Variants in MIPEP observed in about 807,000 individuals in gnomAD.
MIPEP encodes the protein mitochondrial intermediate peptidase.
MIPEP carries 79 observed loss-of-function variants against 90.3 expected under a neutral mutation model. That is an observed-to-expected ratio of 0.87 (90% confidence interval 0.73 to 1.05). MIPEP has a LOEUF of 1.05. Ranked by LOEUF, MIPEP falls within the 50% of genes least tolerant of loss-of-function variation. The probability of loss-of-function intolerance (pLI) is 0.00; values close to 1 mark genes in which losing one functional copy is unlikely to be tolerated. For synonymous variants in MIPEP, 334 were observed against 315.8 expected (o/e 1.06, Z -0.61); for missense variants, 940 against 905.6 (o/e 1.04, Z -0.49).
At chr13:23,737,394 A>C (rs1297499495) in intron 18 of MIPEP, among the ~76,000 whole-genome samples, 1 of 152,066 alleles carries the variant, frequency 6.6e-6, no homozygotes, top group South Asian at 2.1e-4. Flanking sequence ...GGGAGGAAAA[A>C]GTGCCCAAGA....
chr13:23,821,996 G>T (rs980115838), intron 14 of MIPEP, among the ~76,000 whole-genome samples: 1 of 152,156 alleles, frequency 6.6e-6, no homozygotes, highest in African/African-American at 2.4e-5. Flanking sequence ...CACAAAAGAG[G>T]TGCAGATAAA....
chr13:23,795,395 T>A (rs1006023912), intron 16 of MIPEP, among the ~76,000 whole-genome samples: 1 of 152,106 alleles, frequency 6.6e-6, no homozygotes, highest in African/African-American at 2.4e-5. Flanking sequence ...TCTGAACAAG[T>A]GTGGGATAAA....
chr13:23,854,785 G>A (rs956821645), intron 10 of MIPEP, among the ~76,000 whole-genome samples: 3 of 151,940 alleles, frequency 2.0e-5, no homozygotes, highest in Non-Finnish European at 4.4e-5. Context: ...CCTGCTACTC[G>A]GGAGGCTGAG....
chr13:23,772,141 G>A (rs1414859350), intron 16 of MIPEP, among the ~76,000 whole-genome samples: 2 of 152,082 alleles, frequency 1.3e-5, no homozygotes, highest in Non-Finnish European at 2.9e-5. Flanking sequence ...TCATTTGCAG[G>A]TCATGTTACC....
At chr13:23,758,644 T>C (rs2138514162) in intron 17 of MIPEP, among the ~76,000 whole-genome samples, 1 of 152,328 alleles carries the variant, frequency 6.6e-6, no homozygotes, top group Admixed American at 6.5e-5. Flanking sequence ...GCAGACCAAA[T>C]GTCTACAGTC....
intron 16 of MIPEP, among the ~76,000 whole-genome samples, chr13:23,799,000 G>GTT (rs765292524): frequency 0.04 from 3,575 of 88,988 alleles, 45 homozygotes; most frequent in East Asian, 0.077. Flanking sequence ...AATTTTTTTG[G>GTT]TTTTTTTTTT....
intron 16 of MIPEP, among the ~76,000 whole-genome samples, chr13:23,787,435 G>C (rs200256689): frequency 6.6e-6 from 1 of 151,950 alleles, no homozygotes; most frequent in Non-Finnish European, 1.5e-5. Flanking sequence ...AGAAGACAGA[G>C]AGAGAGAGAG....
chr13:23,804,934 C>T (rs953732078), intron 16 of MIPEP, among the ~76,000 whole-genome samples: 59 of 152,144 alleles, frequency 3.9e-4, no homozygotes, highest in Non-Finnish European at 5.7e-4. Flanking sequence ...CTGAACCTAC[C>T]GGTAGTTATC....
At chr13:23,845,556 G>GT (rs1438349128) in intron 10 of MIPEP, among the ~76,000 whole-genome samples, 1 of 152,162 alleles carries the variant, frequency 6.6e-6, no homozygotes, top group African/African-American at 2.4e-5. Flanking sequence ...GCTGCTGTTA[G>GT]TTTATCTGTT....
chr13:23,851,908 T>C (rs1315740078), intron 10 of MIPEP, among the ~76,000 whole-genome samples: 1 of 152,144 alleles, frequency 6.6e-6, no homozygotes, highest in Non-Finnish European at 1.5e-5. Flanking sequence ...ACATCACCTA[T>C]GGGTGTCCAT....
At chr13:23,864,752 AG>A (rs35130629) in intron 7 of MIPEP, among the ~76,000 whole-genome samples, 43,093 of 132,090 alleles carry the variant, frequency 0.33, 6,721 homozygotes, top group East Asian at 0.43. Context: ...AAAAAAAAAA[AG>A]AGTTAATGGG....
At chr13:23,857,935 C>T (rs147464700) in intron 10 of MIPEP, among the ~76,000 whole-genome samples, 1 of 152,090 alleles carries the variant, frequency 6.6e-6, no homozygotes, top group Non-Finnish European at 1.5e-5. Context: ...AAGCTTAATA[C>T]CAAATAAATA....
At chr13:23,845,479 C>T (rs1181888459) in intron 10 of MIPEP, among the ~76,000 whole-genome samples, 5 of 152,270 alleles carry the variant, frequency 3.3e-5, no homozygotes, top group African/African-American at 7.2e-5. Flanking sequence ...AAATGCATCC[C>T]GTTAGGCCAC....
At chr13:23,888,650 A>T in intron 1 of MIPEP, 1 of 921,172 alleles carries the variant, frequency 1.1e-6, no homozygotes, top group African/African-American at 1.8e-5. Context: ...TTAATAGATG[A>T]TGGAATTTCA....
chr13:23,834,206 C>A (rs759633514), intron 14 of MIPEP, among the ~76,000 whole-genome samples: 1 of 152,200 alleles, frequency 6.6e-6, no homozygotes, highest in Non-Finnish European at 1.5e-5. Flanking sequence ...ATCCGCACCC[C>A]CTGCGATCCG....
intron 14 of MIPEP, among the ~76,000 whole-genome samples, chr13:23,812,109 T>C (rs1953178240): frequency 6.6e-6 from 1 of 152,124 alleles, no homozygotes; most frequent in African/African-American, 2.4e-5. Context: ...GCACAAACAG[T>C]GGGCAACAGC....
Position 23,879,413 on chromosome 13 carries a change from T to C in MIPEP, c.453-59A>G, listed in dbSNP as rs147382565. 1.6e-3 allele frequency: 1,517 copies of C among 922,352 alleles called. 18 individuals carry two copies. In the African/African-American group the frequency reaches 0.022, roughly 13 times the overall value. 57.1% of individuals were successfully genotyped at this position (922,352 alleles called of 1,614,324 possible). ...TTTTCTAATACCTTATTTTTAACTTTACATGAAAAGAATGGTGTCAGCTTG... is the reference window on the plus strand; with the variant it reads ...TTTTCTAATACCTTATTTTTAACTTCACATGAAAAGAATGGTGTCAGCTTG... On this transcript the variant is annotated intron_variant, in intron 3 of 18. Transcript: ENST00000382172.
intron 12 of MIPEP, among the ~76,000 whole-genome samples, chr13:23,839,135 T>C (rs1264801287): frequency 6.6e-6 from 1 of 152,242 alleles, no homozygotes; most frequent in Non-Finnish European, 1.5e-5. Flanking sequence ...AAGGAGCTAC[T>C]TGGTGGTTGG....
chr13:23,786,126 C>A (rs1952836330), intron 16 of MIPEP, among the ~76,000 whole-genome samples: 2 of 151,820 alleles, frequency 1.3e-5, no homozygotes, highest in African/African-American at 4.8e-5. Flanking sequence ...ACTCAGGAGG[C>A]TGAGGTGGGA....
Sources: gnomAD v4.1 joint callset for allele counts (sites outside exome capture counted in the v4.1 genomes callset) on GRCh38, gnomAD v4.1.1 for gene constraint, MANE v1.5 for transcripts, NCBI Gene and HGNC (gene_info 2026-07-23, HGNC 2026-07-21) for gene names.